Variants in STARD13 observed in about 807,000 individuals in gnomAD.
STARD13 encodes stAR-related lipid transfer protein 13.
In STARD13, 62 loss-of-function variants were observed where a neutral mutation model predicts 106.4. That is an observed-to-expected ratio of 0.58 (90% CI 0.48 to 0.72). The LOEUF (loss-of-function observed/expected upper bound fraction) is 0.72. STARD13 is among the 30% of genes least tolerant of loss of function. The pLI is 0.00. For synonymous variants in STARD13, 565 were observed against 553.0 expected (o/e 1.02, Z -0.31); for missense variants, 1,387 against 1,424.0 (o/e 0.97, Z 0.42).
intron 1 of STARD13, among the ~76,000 whole-genome samples, chr13:33,297,723 A>C (rs1344089277): frequency 6.6e-6 from 1 of 152,194 alleles, no homozygotes; most frequent in African/African-American, 2.4e-5. Context: ...CATTTTTAAA[A>C]TATTCTATTG....
At chr13:33,368,539 G>A in the STARD13 span, among the ~76,000 whole-genome samples, 1 of 152,152 alleles carries the variant, frequency 6.6e-6, no homozygotes, top group Non-Finnish European at 1.5e-5. Flanking sequence ...AGCAGCAGCA[G>A]CAGCAGCAGC....
intron 1 of STARD13, among the ~76,000 whole-genome samples, chr13:33,183,858 T>C (rs1000465132): frequency 1.3e-5 from 2 of 152,102 alleles, no homozygotes; most frequent in African/African-American, 2.4e-5. Context: ...CATTCACACC[T>C]CCAAGGGAAT....
chr13:33,506,559 T>C, the STARD13 span, among the ~76,000 whole-genome samples: 1 of 152,162 alleles, frequency 6.6e-6, no homozygotes, highest in Non-Finnish European at 1.5e-5. Flanking sequence ...TTTGATGTCA[T>C]ATAATGAAGT....
At chr13:33,167,716 A>G (rs1883491726) in intron 1 of STARD13, 94 bp from the exon 2 acceptor site, 1 of 1,311,250 alleles carries the variant, frequency 7.6e-7, no homozygotes, top group Non-Finnish European at 1.1e-6. Context: ...AGCTTTGTGC[A>G]AGTTATTACA....
chr13:33,598,639 C>T, the STARD13 span, among the ~76,000 whole-genome samples: 2 of 152,204 alleles, frequency 1.3e-5, no homozygotes, highest in Admixed American at 6.5e-5. Context: ...GATATTTTCT[C>T]AGTTTTATGG....
chr13:33,566,802 T>TAA, the STARD13 span, among the ~76,000 whole-genome samples: 3 of 148,100 alleles, frequency 2.0e-5, no homozygotes, highest in African/African-American at 7.4e-5. Context: ...TATGTGATCC[T>TAA]TGCTGTGTCT....
chr13:33,247,714 C>G (rs1889898937), intron 1 of STARD13, among the ~76,000 whole-genome samples: 1 of 152,142 alleles, frequency 6.6e-6, no homozygotes, highest in Admixed American at 6.5e-5. Context: ...GAATGGCCCT[C>G]ACTTGTAAGT....
At chr13:33,163,731 A>AAACATATATAT (rs1883010389) in intron 3 of STARD13, among the ~76,000 whole-genome samples, 1 of 78,506 alleles carries the variant, frequency 1.3e-5, no homozygotes, top group African/African-American at 3.0e-5. Context: ...AACATATATA[A>AAACATATATAT]AACATATATA....
chr13:33,671,563 C>G, the STARD13 span, among the ~76,000 whole-genome samples: 5 of 152,062 alleles, frequency 3.3e-5, no homozygotes, highest in Admixed American at 6.6e-5. Flanking sequence ...GGCCTCCTGT[C>G]TACAAAAAAT....
chr13:33,349,392 C>A (rs769567610), intron 1 of STARD13, among the ~76,000 whole-genome samples: 1 of 152,174 alleles, frequency 6.6e-6, no homozygotes, highest in Non-Finnish European at 1.5e-5. Flanking sequence ...TGGCCACGTT[C>A]CCTTATTGGG....
At chr13:33,383,976 C>T in the STARD13 span, among the ~76,000 whole-genome samples, 1 of 151,918 alleles carries the variant, frequency 6.6e-6, no homozygotes, top group Non-Finnish European at 1.5e-5. Context: ...GCACCAGGTT[C>T]GATTATTAAT....
the STARD13 span, among the ~76,000 whole-genome samples, chr13:33,485,154 C>T: frequency 6.6e-6 from 1 of 152,036 alleles, no homozygotes; most frequent in African/African-American, 2.4e-5. Context: ...ATTGCAAATG[C>T]AATTAGTGGA....
At chr13:33,503,863 G>A in the STARD13 span, among the ~76,000 whole-genome samples, 1 of 151,988 alleles carries the variant, frequency 6.6e-6, no homozygotes, top group Admixed American at 6.6e-5. Flanking sequence ...ATCTGACAAA[G>A]GGCTAATATC....
At chr13:33,674,488 G>C in the STARD13 span, among the ~76,000 whole-genome samples, 1 of 152,144 alleles carries the variant, frequency 6.6e-6, no homozygotes, top group Non-Finnish European at 1.5e-5. Context: ...TCTTAGCATA[G>C]ACCAATGAAT....
intron 1 of STARD13, chr13:33,276,794 C>T (rs934434958): frequency 3.9e-5 from 6 of 152,066 alleles, no homozygotes; most frequent in Non-Finnish European, 5.9e-5. Flanking sequence ...TGCATTGTTT[C>T]GCCCTTGTGT....
At chr13:33,554,275 T>A in the STARD13 span, among the ~76,000 whole-genome samples, 2 of 152,168 alleles carry the variant, frequency 1.3e-5, no homozygotes, top group African/African-American at 4.8e-5. Context: ...ATTTCATAAC[T>A]TCTAAGTGGG....
At chr13:33,204,916 T>C (rs74878635) in intron 1 of STARD13, among the ~76,000 whole-genome samples, 3,128 of 152,374 alleles carry the variant, frequency 0.021, 57 homozygotes, top group Non-Finnish European at 0.035. Context: ...AGCCTGCTAA[T>C]GCAGATGCAA....
At chr13:33,433,014 T>C in the STARD13 span, among the ~76,000 whole-genome samples, 2 of 152,212 alleles carry the variant, frequency 1.3e-5, no homozygotes, top group Non-Finnish European at 1.5e-5. Flanking sequence ...GAATAGACAA[T>C]TTTTATTGTT....
At chr13:33,467,330 A>G in the STARD13 span, among the ~76,000 whole-genome samples, 1 of 152,144 alleles carries the variant, frequency 6.6e-6, no homozygotes, top group South Asian at 2.1e-4. Flanking sequence ...TGCACAATTC[A>G]GAGTAGGGTT....
Sources: gnomAD v4.1 joint callset for allele counts (sites outside exome capture counted in the v4.1 genomes callset) on GRCh38, gnomAD v4.1.1 for gene constraint, MANE v1.5 for transcripts, NCBI Gene and HGNC (gene_info 2026-07-23, HGNC 2026-07-21) for gene names.